Variants in RBMS1 observed in about 807,000 individuals in gnomAD.
RBMS1 encodes the protein RNA binding motif single stranded interacting protein 1.
A neutral mutation model predicts 62.3 loss-of-function variants in RBMS1; 17 were observed. The observed-to-expected ratio is 0.27, with a 90% CI of 0.19 to 0.41. The LOEUF (loss-of-function observed/expected upper bound fraction) is 0.41. RBMS1 is among the 10% of genes least tolerant of loss of function. The pLI is 1.00. For missense variants in RBMS1, 334 were observed against 504.5 expected, an observed-to-expected ratio of 0.66 and a Z score of 3.24; for synonymous variants, 172 against 170.0, an observed-to-expected ratio of 1.01 and a Z score of -0.09.
chr2:160,430,497 T>C (rs958464232), intron 1 of RBMS1, among the ~76,000 whole-genome samples: 7 of 152,202 alleles, frequency 4.6e-5, no homozygotes, highest in African/African-American at 1.7e-4. Flanking sequence ...ATGTTTCTCT[T>C]AAGTAAATGC....
chr2:160,465,060 A>G (rs1333347242), intron 1 of RBMS1, among the ~76,000 whole-genome samples: 4 of 152,222 alleles, frequency 2.6e-5, no homozygotes, highest in African/African-American at 9.6e-5. Flanking sequence ...AATCTTGAGG[A>G]TGTTCCAAAG....
At chr2:160,414,294 A>AGTTTTTTT (rs1427961211) in intron 1 of RBMS1, among the ~76,000 whole-genome samples, 1 of 152,026 alleles carries the variant, frequency 6.6e-6, no homozygotes, top group Non-Finnish European at 1.5e-5. Context: ...TCTTTAAACC[A>AGTTTTTTT]GTTTTTTTGT....
At chr2:160,393,734 G>C (rs926394543) in intron 1 of RBMS1, among the ~76,000 whole-genome samples, 21 of 148,598 alleles carry the variant, frequency 1.4e-4, no homozygotes, top group Non-Finnish European at 2.5e-4. Flanking sequence ...CTGAGATCAC[G>C]CCATTGCACT....
At chr2:160,303,833 C>T (rs1312314220) in intron 4 of RBMS1, among the ~76,000 whole-genome samples, 1 of 152,132 alleles carries the variant, frequency 6.6e-6, no homozygotes, top group Admixed American at 6.5e-5. Flanking sequence ...TTCAGGCACA[C>T]TATTGCGCAG....
intron 1 of RBMS1, among the ~76,000 whole-genome samples, chr2:160,465,969 A>G (rs1191529501): frequency 6.6e-6 from 1 of 152,128 alleles, no homozygotes; most frequent in African/African-American, 2.4e-5. Context: ...CTGTCATGAT[A>G]ATTCTAACAC....
rs550097798 is a variant in RBMS1, at chr2:160,342,574, A to G, written c.252-24347T>C. Among the ~76,000 whole-genome samples, 15 of 152,168 alleles carry G rather than the reference A, an allele frequency of 9.9e-5. No individual in the cohort carries two copies. In the East Asian group the frequency reaches 2.7e-3, roughly 27 times the overall value. ...TATGTGTGAAAAATGTTAGATTGCC[A>G]TTACCCCATTACCAGTGAAACTTAG... is the stretch of plus-strand genomic sequence containing the variant. On this transcript the variant is annotated intron_variant, in intron 2 of 13. Coordinates refer to ENST00000348849, the MANE Select transcript of RBMS1 (RefSeq NM_016836.4).
chr2:160,418,598 T>G (rs1411995046), intron 1 of RBMS1, among the ~76,000 whole-genome samples: 3 of 152,218 alleles, frequency 2.0e-5, no homozygotes, highest in Non-Finnish European at 4.4e-5. Flanking sequence ...GTTCAGGAAC[T>G]GACTAGTTCC....
At chr2:160,333,002 T>C (rs930144381) in intron 2 of RBMS1, among the ~76,000 whole-genome samples, 5 of 151,958 alleles carry the variant, frequency 3.3e-5, no homozygotes, top group Non-Finnish European at 4.4e-5. Flanking sequence ...AAAATAAGTA[T>C]AAACTATTTT....
At position 160,319,099 on chromosome 2, in the gene RBMS1, G is replaced by A. The variant is rs73000615; in HGVS notation, c.252-872C>T. Among the ~76,000 whole-genome samples, 679 of 152,170 alleles carry A rather than the reference G, an allele frequency of 4.5e-3. 2 individuals carry two copies. Among genetic ancestry groups the A allele is most frequent in the African/African-American group, 0.016 (644 of 41,490 alleles). ...CGACAGTATAATGTAAATATGAACC[G>A]AACCCCACACTCTCTCCATAGTGGC... On this transcript the variant is annotated intron_variant, in intron 2 of 13. Coordinates refer to ENST00000348849, the MANE Select transcript of RBMS1 (RefSeq NM_016836.4).
rs1381416683 is a variant in RBMS1, at chr2:160,493,455, GGCAGCGGCGGCGGCGGCGGCGGCT to G, written c.-116_-93del. On this transcript the variant is annotated 5_prime_UTR_variant, in exon 1 of 14. Coordinates refer to ENST00000348849, the MANE Select transcript of RBMS1 (RefSeq NM_016836.4). ...CTGCCTCTCCCTTTCCGGCGGCGGC[GGCAGCGGCGGCGGCGGCGGCGGCT>G]GCTGCTGCTGCCGCTGCTCCACCTC... 1,393 of 1,266,172 alleles carry G rather than the reference GGCAGCGGCGGCGGCGGCGGCGGCT, an allele frequency of 1.1e-3. 3 individuals carry two copies. Among genetic ancestry groups the G allele is most frequent in the Non-Finnish European group, 1.3e-3 (1,120 of 884,608 alleles). 78.4% of individuals were successfully genotyped at this position (1,266,172 alleles called of 1,614,324 possible). A position where few individuals can be genotyped will look rare whatever the true frequency, so the allele number is the denominator to read the frequency against.
At chr2:160,308,265 C>T (rs1195043960) in intron 4 of RBMS1, among the ~76,000 whole-genome samples, 2 of 151,886 alleles carry the variant, frequency 1.3e-5, no homozygotes, top group Non-Finnish European at 2.9e-5. Context: ...TGTGGTAGTG[C>T]GTGCCTGTAG....
chr2:160,350,175 C>G (rs931144271), intron 2 of RBMS1, among the ~76,000 whole-genome samples: 1 of 151,960 alleles, frequency 6.6e-6, no homozygotes, highest in African/African-American at 2.4e-5. Context: ...GACAGCCTGG[C>G]AACCGTGTCA....
At chr2:160,407,843 G>A (rs1010381230) in intron 1 of RBMS1, 8 of 981,186 alleles carry the variant, frequency 8.2e-6, no homozygotes, top group Admixed American at 6.3e-5. Flanking sequence ...CGACTCTCCC[G>A]GCGGCAGCGG....
intron 1 of RBMS1, among the ~76,000 whole-genome samples, chr2:160,480,884 G>A (rs1685338397): frequency 1.3e-5 from 2 of 151,900 alleles, no homozygotes; most frequent in Non-Finnish European, 2.9e-5. Flanking sequence ...TTCAAGACCA[G>A]CCTGGCCAAC....
intron 4 of RBMS1, among the ~76,000 whole-genome samples, chr2:160,309,385 G>A (rs972384533): frequency 1.3e-5 from 2 of 152,188 alleles, no homozygotes; most frequent in Non-Finnish European, 1.5e-5. Flanking sequence ...GAGAAAGGCT[G>A]AAAGGCTGAC....
At chr2:160,469,955 C>A (rs193023009) in intron 1 of RBMS1, among the ~76,000 whole-genome samples, 12 of 152,348 alleles carry the variant, frequency 7.9e-5, no homozygotes, top group African/African-American at 2.9e-4. Context: ...GTACTGGCAA[C>A]ATCTGAAGCC....
intron 1 of RBMS1, among the ~76,000 whole-genome samples, chr2:160,399,783 C>G (rs1695342731): frequency 6.6e-6 from 1 of 151,894 alleles, no homozygotes. Context: ...AGGAGAGAGA[C>G]AAAGAGATTT....
At chr2:160,447,375 A>C (rs1253880182) in intron 1 of RBMS1, among the ~76,000 whole-genome samples, 6 of 152,232 alleles carry the variant, frequency 3.9e-5, no homozygotes, top group Non-Finnish European at 8.8e-5. Context: ...CAAAGAAGCT[A>C]AGAAATGGAG....
At chr2:160,306,358 G>T (rs984949809) in intron 4 of RBMS1, among the ~76,000 whole-genome samples, 13 of 151,956 alleles carry the variant, frequency 8.6e-5, no homozygotes, top group African/African-American at 3.1e-4. Context: ...TTACCGATGA[G>T]GAAATAATAT....
Sources: gnomAD v4.1 joint callset for allele counts (sites outside exome capture counted in the v4.1 genomes callset) on GRCh38, gnomAD v4.1.1 for gene constraint, MANE v1.5 for transcripts, NCBI Gene and HGNC (gene_info 2026-07-23, HGNC 2026-07-21) for gene names.